NTM: variants seen among roughly 807,000 people sequenced by gnomAD.
NTM encodes the protein neurotrimin.
NTM carries 13 observed loss-of-function variants against 42.1 expected under a neutral mutation model. That is an observed-to-expected ratio of 0.31 (90% CI 0.20 to 0.49). The LOEUF (loss-of-function observed/expected upper bound fraction) is 0.49. Ranked by LOEUF, NTM falls within the 20% of genes least tolerant of loss-of-function variation. The probability of loss-of-function intolerance (pLI) is 0.99; values close to 1 mark genes in which losing one functional copy is unlikely to be tolerated. For synonymous variants in NTM, 187 were observed against 179.2 expected, an observed-to-expected ratio of 1.04 and a Z score of -0.35; for missense variants, 373 against 452.8, an observed-to-expected ratio of 0.82 and a Z score of 1.60.
intron 2 of NTM, among the ~76,000 whole-genome samples, chr11:132,012,398 C>T (rs531481322): frequency 8.5e-5 from 13 of 152,252 alleles, no homozygotes; most frequent in African/African-American, 3.1e-4. Context: ...AAAAAGTGGA[C>T]TTAAGCCTAG....
intron 2 of NTM, among the ~76,000 whole-genome samples, chr11:131,939,397 G>A (rs1484395359): frequency 1.3e-5 from 2 of 152,118 alleles, no homozygotes; most frequent in African/African-American, 4.8e-5. Flanking sequence ...GGCAAGAGAG[G>A]TTTCAGGAGA....
chr11:131,424,454 G>T, intron 1 of NTM, among the ~76,000 whole-genome samples: 1 of 152,044 alleles, frequency 6.6e-6, no homozygotes, highest in Admixed American at 6.6e-5. Context: ...GGCAAACTGA[G>T]TTATGCACCT....
chr11:131,956,466 A>G (rs1050799533), intron 2 of NTM, among the ~76,000 whole-genome samples: 1 of 152,118 alleles, frequency 6.6e-6, no homozygotes, highest in African/African-American at 2.4e-5. Flanking sequence ...AGGATACTTT[A>G]GCATTACTCT....
chr11:132,330,507 T>C (rs1050885634), intron 8 of NTM, among the ~76,000 whole-genome samples: 2 of 152,158 alleles, frequency 1.3e-5, no homozygotes, highest in Non-Finnish European at 2.9e-5. Flanking sequence ...ACACGGATGC[T>C]CTAATGCAGC....
chr11:132,007,646 C>A (rs2071114624), intron 2 of NTM, among the ~76,000 whole-genome samples: 1 of 152,186 alleles, frequency 6.6e-6, no homozygotes, highest in Admixed American at 6.5e-5. Context: ...TTAAAGAAAT[C>A]TATGGTGAAT....
At chr11:131,380,235 T>C in intron 1 of NTM, among the ~76,000 whole-genome samples, 1 of 145,854 alleles carries the variant, frequency 6.9e-6, no homozygotes, top group Non-Finnish European at 1.5e-5. Flanking sequence ...TTTTTTGAGA[T>C]GGAGTCTCCT....
intron 2 of NTM, among the ~76,000 whole-genome samples, chr11:132,027,211 A>G (rs1399124506): frequency 6.6e-6 from 1 of 152,200 alleles, no homozygotes; most frequent in Non-Finnish European, 1.5e-5. Context: ...CACATGATAT[A>G]TGAAATTTCA....
In NTM at chr11:132,138,598, CTATCTATCTATCTATCT is replaced by C. The variant is rs1308334098; in HGVS notation, c.168-7683_168-7667del. On this transcript the variant is annotated intron_variant, in intron 2 of 8. Transcript: ENST00000683400. ...TCTATCTATCTATCTATCTATCTAT[CTATCTATCTATCTATCT>C]ATCTATTCTAATCTATCGAGAGACT... 2.8e-3 allele frequency among the ~76,000 whole-genome samples: 143 copies of C among 51,516 alleles called. 1 individual carries two copies. The highest frequency in any genetic ancestry group is 5.0e-3 in the Non-Finnish European group (81 of 16,064). The allele number at this position is 51,516 out of a possible 152,430, so 33.8% of individuals were successfully genotyped here.
chr11:131,723,712 T>C (rs1036976565), intron 1 of NTM, among the ~76,000 whole-genome samples: 1 of 152,150 alleles, frequency 6.6e-6, no homozygotes, highest in African/African-American at 2.4e-5. Context: ...TATAACTAGA[T>C]AGTTTGCTTC....
intron 2 of NTM, among the ~76,000 whole-genome samples, chr11:132,026,769 T>C (rs1464354242): frequency 6.6e-6 from 1 of 152,204 alleles, no homozygotes; most frequent in Non-Finnish European, 1.5e-5. Flanking sequence ...AAGGCAATTG[T>C]TTCTCTCTTC....
intron 1 of NTM, among the ~76,000 whole-genome samples, chr11:131,657,026 T>C (rs1285205419): frequency 6.6e-6 from 1 of 151,686 alleles, no homozygotes; most frequent in Admixed American, 6.6e-5. Context: ...ACCAAGTGCT[T>C]CTCTGCATTG....
chr11:131,560,159 C>A (rs2056033824), intron 1 of NTM, among the ~76,000 whole-genome samples: 1 of 152,194 alleles, frequency 6.6e-6, no homozygotes, highest in African/African-American at 2.4e-5. Context: ...TGTGAAGTAA[C>A]TGGCCTTTGC....
intron 3 of NTM, among the ~76,000 whole-genome samples, chr11:132,202,730 G>A (rs770471977): frequency 1.3e-4 from 20 of 152,186 alleles, no homozygotes; most frequent in Admixed American, 3.3e-4. Context: ...TCTCCATCAG[G>A]AATGACTAAA....
intron 1 of NTM, among the ~76,000 whole-genome samples, chr11:131,730,470 T>A (rs1396069510): frequency 1.3e-5 from 2 of 152,016 alleles, no homozygotes; most frequent in African/African-American, 4.8e-5. Flanking sequence ...GCTCCAGCAC[T>A]TCGGGAGAAA....
chr11:132,311,796 G>C (rs1227573598), intron 6 of NTM, among the ~76,000 whole-genome samples: 1 of 152,170 alleles, frequency 6.6e-6, no homozygotes, highest in African/African-American at 2.4e-5. Flanking sequence ...AAATCTTAGA[G>C]GAAAATAAAG....
In NTM at chr11:131,626,967, C is replaced by T. The variant is rs145327368; in HGVS notation, c.82+256079C>T. On this transcript the variant is annotated intron_variant, in intron 1 of 8. Coordinates refer to ENST00000683400, the MANE Select transcript of NTM (RefSeq NM_001352005.2). The stretch of plus-strand genomic sequence containing the variant: ...AAGCTCTGAGGAACCTGTAGGCTAT[C>T]TCACTTCCCTTTCACCCGCTGTAGG... Among the ~76,000 whole-genome samples the T allele has an allele frequency of 4.2e-3, 641 of 152,330 alleles. 3 individuals carry two copies. The highest frequency in any genetic ancestry group is 0.015 in the African/African-American group (604 of 41,570).
chr11:132,090,297 A>C (rs2060232210), intron 2 of NTM, among the ~76,000 whole-genome samples: 1 of 152,078 alleles, frequency 6.6e-6, no homozygotes, highest in Non-Finnish European at 1.5e-5. Context: ...TTGGCCCTTC[A>C]CACCTTCCCT....
chr11:131,710,485 C>T (rs1431696803), intron 1 of NTM, among the ~76,000 whole-genome samples: 1 of 152,068 alleles, frequency 6.6e-6, no homozygotes, highest in African/African-American at 2.4e-5. Context: ...AGTGTTTCTC[C>T]AGCTCTGTAC....
At chr11:132,217,687 G>A (rs1436255315) in intron 4 of NTM, among the ~76,000 whole-genome samples, 2 of 151,912 alleles carry the variant, frequency 1.3e-5, no homozygotes, top group Non-Finnish European at 2.9e-5. Flanking sequence ...TTCCTCAGCT[G>A]CCAGATCTCT....
Sources: allele counts gnomAD v4.1 joint callset (sites outside exome capture counted in the v4.1 genomes callset), GRCh38; gene constraint gnomAD v4.1.1; transcripts MANE v1.5; gene names NCBI Gene and HGNC (gene_info 2026-07-23, HGNC 2026-07-21).